The following GRID2 variants were observed in gnomAD, a reference collection of about 807,000 sequenced individuals.
GRID2 encodes the protein glutamate receptor ionotropic, delta-2.
Under a neutral mutation model 114.8 loss-of-function variants are expected in GRID2, and 33 were observed. The observed-to-expected ratio is 0.29, with a 90% CI of 0.22 to 0.38. The LOEUF (loss-of-function observed/expected upper bound fraction) is 0.38. Among genes scored for constraint, GRID2 ranks in the 10% least tolerant of loss-of-function variants. GRID2 has a pLI of 1.00. For missense variants in GRID2, 1,184 were observed against 1,257.7 expected, an observed-to-expected ratio of 0.94 and a Z score of 0.89; for synonymous variants, 505 against 449.9, an observed-to-expected ratio of 1.12 and a Z score of -1.55.
At chr4:93,156,928 T>G (rs1238452165) in intron 4 of GRID2, among the ~76,000 whole-genome samples, 2 of 151,700 alleles carry the variant, frequency 1.3e-5, no homozygotes, top group African/African-American at 4.8e-5. Flanking sequence ...AAGGATCAGT[T>G]CTGAGCTGAG....
At chr4:93,080,064 G>A (rs1269764172) in intron 2 of GRID2, among the ~76,000 whole-genome samples, 2 of 152,040 alleles carry the variant, frequency 1.3e-5, no homozygotes, top group Admixed American at 1.3e-4. Flanking sequence ...ACATTGATGA[G>A]GTCCCAAATA....
At chr4:93,431,370 C>G (rs1332790721) in intron 10 of GRID2, among the ~76,000 whole-genome samples, 1 of 151,938 alleles carries the variant, frequency 6.6e-6, no homozygotes, top group African/African-American at 2.4e-5. Flanking sequence ...CTGGGCTAAT[C>G]TTAGGATGAA....
At chr4:93,542,214 T>C (rs898853144) in intron 13 of GRID2, among the ~76,000 whole-genome samples, 3 of 152,194 alleles carry the variant, frequency 2.0e-5, no homozygotes, top group African/African-American at 7.2e-5. Flanking sequence ...GTTGTATTCA[T>C]TGCTGTGTTT....
At chr4:92,508,271 A>C (rs17239736) in intron 1 of GRID2, among the ~76,000 whole-genome samples, 32,671 of 151,878 alleles carry the variant, frequency 0.22, 4,228 homozygotes, top group Non-Finnish European at 0.28. Flanking sequence ...ATATTCATTG[A>C]AAACCTTCTA....
chr4:93,706,573 G>T (rs1331902831), intron 14 of GRID2, among the ~76,000 whole-genome samples: 1 of 152,128 alleles, frequency 6.6e-6, no homozygotes, highest in Non-Finnish European at 1.5e-5. Flanking sequence ...TTTGTATCCT[G>T]CAACTTTACT....
At chr4:93,203,798 T>C (rs926966635) in intron 4 of GRID2, among the ~76,000 whole-genome samples, 4 of 152,094 alleles carry the variant, frequency 2.6e-5, no homozygotes, top group African/African-American at 9.7e-5. Context: ...CTGGAGCTAC[T>C]GTGGCTTCCA....
rs570773471 is a variant in GRID2 at position 92,735,208 on chromosome 4, C to T, written c.244+144922C>T. Among the ~76,000 whole-genome samples the T allele has an allele frequency of 1.1e-4, 16 of 152,140 alleles. No homozygotes were observed. The East Asian group carries it at 3.1e-3, about 29-fold the overall frequency. ...ATGTTCCATGGAATAATACAGTGGT[C>T]CTTTCCTTATATGCCAGAAATATGT... On this transcript the variant is annotated intron_variant, in intron 2 of 15. Coordinates refer to ENST00000282020, the MANE Select transcript of GRID2 (RefSeq NM_001510.4).
intron 2 of GRID2, among the ~76,000 whole-genome samples, chr4:92,639,246 A>C (rs1361962288): frequency 1.3e-5 from 2 of 151,804 alleles, no homozygotes; most frequent in African/African-American, 4.8e-5. Flanking sequence ...ACTGCTTTTC[A>C]AAGAACATAT....
chr4:93,338,862 G>T (rs551254403), intron 8 of GRID2, among the ~76,000 whole-genome samples: 1 of 152,150 alleles, frequency 6.6e-6, no homozygotes, highest in East Asian at 1.9e-4. Flanking sequence ...CTGGTATTCA[G>T]CTCTTTGTGA....
At position 92,672,965 on chromosome 4, in the gene GRID2, C is replaced by A. The variant is rs190060933; in HGVS notation, c.244+82679C>A. The stretch of plus-strand genomic sequence containing the variant: ...TAAGCCCATTAACCACACTTTATCC[C>A]CCAATTCCCCTTACTCTTCCAAGTT... On this transcript the variant is annotated intron_variant, in intron 2 of 15. Transcript: ENST00000282020. Among the ~76,000 whole-genome samples the A allele has an allele frequency of 3.3e-3, 504 of 152,166 alleles. 1 individual carries two copies. The highest frequency in any genetic ancestry group is 0.011 in the African/African-American group (445 of 41,532).
intron 14 of GRID2, among the ~76,000 whole-genome samples, chr4:93,691,674 G>A (rs904122127): frequency 5.3e-5 from 8 of 151,994 alleles, no homozygotes; most frequent in Non-Finnish European, 8.8e-5. Context: ...TTATCATGCT[G>A]AAGACAAGAA....
At chr4:93,458,243 G>T (rs1723390488) in intron 11 of GRID2, among the ~76,000 whole-genome samples, 1 of 152,158 alleles carries the variant, frequency 6.6e-6, no homozygotes, top group South Asian at 2.1e-4. Flanking sequence ...TGAAATTAAG[G>T]CTTGAAAGGT....
chr4:93,656,184 A>G (rs1471441822), intron 14 of GRID2, among the ~76,000 whole-genome samples: 1 of 151,942 alleles, frequency 6.6e-6, no homozygotes, highest in Non-Finnish European at 1.5e-5. Flanking sequence ...CTGAGAAAAA[A>G]ATAATTGTTT....
intron 2 of GRID2, among the ~76,000 whole-genome samples, chr4:92,609,406 A>G (rs1205602306): frequency 7.3e-6 from 1 of 136,936 alleles, no homozygotes; most frequent in Admixed American, 7.4e-5. Context: ...AAAAATAATA[A>G]AGACAATTCC....
intron 1 of GRID2, among the ~76,000 whole-genome samples, chr4:93,780,290 G>A (rs950542750): frequency 6.6e-6 from 1 of 152,178 alleles, no homozygotes; most frequent in African/African-American, 2.4e-5. Flanking sequence ...TGGGGAAAAC[G>A]CATTCCAGTC....
chr4:92,311,235 T>A (rs1725694639), intron 1 of GRID2, among the ~76,000 whole-genome samples: 1 of 152,046 alleles, frequency 6.6e-6, no homozygotes, highest in Non-Finnish European at 1.5e-5. Context: ...AATATTAACA[T>A]ATGCTTTATA....
At position 93,154,765 on chromosome 4, in the gene GRID2, CAAAA is replaced by C. The variant is rs1003354739; in HGVS notation, c.735+43817_735+43820del. On this transcript the variant is annotated intron_variant, in intron 4 of 15. Coordinates refer to ENST00000282020, the MANE Select transcript of GRID2 (RefSeq NM_001510.4). Reference sequence around the variant, plus strand: ...AAAAACAAAAACAAAAACAAACAAACAAAAAAAACACCACCACCACCACCACCAC... The same window carrying C: ...AAAAACAAAAACAAAAACAAACAAACAAAACACCACCACCACCACCACCAC... Among the ~76,000 whole-genome samples the C allele has an allele frequency of 1.8e-4, 27 of 150,836 alleles. 1 individual carries two copies. In the Middle Eastern group the frequency reaches 0.021, roughly 116 times the overall value.
chr4:93,485,299 G>T (rs2149451849), intron 11 of GRID2, among the ~76,000 whole-genome samples: 1 of 151,490 alleles, frequency 6.6e-6, no homozygotes, highest in South Asian at 2.1e-4. Context: ...ATGATTTTTT[G>T]TTAGGTATAT....
At chr4:93,414,531 T>C (rs931533955) in intron 9 of GRID2, among the ~76,000 whole-genome samples, 1 of 152,050 alleles carries the variant, frequency 6.6e-6, no homozygotes, top group Admixed American at 6.6e-5. Flanking sequence ...CAGAGACTCT[T>C]AACTGCTGTA....
Sources: gnomAD v4.1 joint callset for allele counts (sites outside exome capture counted in the v4.1 genomes callset) on GRCh38, gnomAD v4.1.1 for gene constraint, MANE v1.5 for transcripts, NCBI Gene and HGNC (gene_info 2026-07-23, HGNC 2026-07-21) for gene names.